Variants in PKLR observed in about 807,000 individuals in gnomAD.
The protein encoded by PKLR is pyruvate kinase L/R, also known as pyruvate kinase PKLR.
A neutral mutation model predicts 53.6 loss-of-function variants in PKLR; 38 were observed. The observed-to-expected ratio is 0.71, with a 90% CI of 0.55 to 0.93. The LOEUF (loss-of-function observed/expected upper bound fraction) is 0.93, where lower values mean the gene tolerates loss of function less well. Ranked by LOEUF, PKLR falls within the 40% of genes least tolerant of loss-of-function variation. The pLI is 0.00. For synonymous variants in PKLR, 328 were observed against 316.2 expected (o/e 1.04, Z -0.39); for missense variants, 702 against 787.3 (o/e 0.89, Z 1.30).
At position 155,294,614 on chromosome 1, in the gene PKLR, T is replaced by C. The variant is rs1298683548; in HGVS notation, c.833A>G (p.His278Arg). 2 of 1,614,068 alleles carry C rather than the reference T, an allele frequency of 1.2e-6. No individual in the cohort carries two copies. Among genetic ancestry groups the C allele is most frequent in the Non-Finnish European group, 1.7e-6 (2 of 1,180,036 alleles). The change falls in exon 6 of 11, where the codon CAT becomes CGT. Residue 278 changes from histidine (H) to arginine (R), a missense_variant. Transcript: ENST00000342741. ...GGAGGCAAAGACGATGTCCACCCCATGCTCCACCCCGAAGCGCAGGTCTCG... is the reference window on the plus strand; with the variant it reads ...GGAGGCAAAGACGATGTCCACCCCACGCTCCACCCCGAAGCGCAGGTCTCG... ...DVRDLRFGVE[H>R]GVDIVFASFV...
In PKLR at chr1:155,293,099, C is replaced by G; in HGVS notation, c.1436+78G>C. The G allele has an allele frequency of 6.7e-7, 1 of 1,501,764 alleles. No individual in the cohort carries two copies. Among genetic ancestry groups the G allele is most frequent in the South Asian group, 1.1e-5 (1 of 88,856 alleles). The allele number at this position is 1,501,764 out of a possible 1,614,324, so 93.0% of individuals were successfully genotyped here. A position where few individuals can be genotyped will look rare whatever the true frequency, so the allele number is the denominator to read the frequency against. On this transcript the variant is annotated intron_variant, in intron 9 of 10. Coordinates refer to ENST00000342741, the MANE Select transcript of PKLR (RefSeq NM_000298.6). The surrounding 1 kb of genome is among the most constrained non-coding windows in gnomAD (Gnocchi z 4.2). ...ACACTCTTCACCCCTGGTGACCAGACTAAACCCAAGCCTGGGGCCCGTCCC... is the reference window on the plus strand; with the variant it reads ...ACACTCTTCACCCCTGGTGACCAGAGTAAACCCAAGCCTGGGGCCCGTCCC...
Position 155,293,088 on chromosome 1 carries a change from T to C in PKLR, c.1436+89A>G. 2.2e-6 allele frequency: 3 copies of C among 1,361,934 alleles called. No individual in the cohort carries two copies. Among genetic ancestry groups the C allele is most frequent in the Non-Finnish European group, 1.1e-6 (1 of 950,452 alleles). The allele number at this position is 1,361,934 out of a possible 1,614,324, so 84.4% of individuals were successfully genotyped here. ...GTCTCAGGTGGACACTCTTCACCCC[T>C]GGTGACCAGACTAAACCCAAGCCTG... On this transcript the variant is annotated intron_variant, in intron 9 of 10. Coordinates refer to ENST00000342741, the MANE Select transcript of PKLR (RefSeq NM_000298.6). The surrounding 1 kb of genome is among the most constrained non-coding windows in gnomAD (Gnocchi z 4.2).
Position 155,290,381 on chromosome 1 carries a change from TGG to T in PKLR, c.*189_*190del. Reference sequence around the variant, plus strand: ...TTTCAGGACCTGTGTGAAATGGAGATGGGGAAGGGGCAACCTCGAAGGGGCTA... The same window carrying T: ...TTTCAGGACCTGTGTGAAATGGAGATGGAAGGGGCAACCTCGAAGGGGCTA... On this transcript the variant is annotated 3_prime_UTR_variant, in exon 11 of 11. Transcript: ENST00000342741. The T allele has an allele frequency of 1.7e-6, 1 of 600,824 alleles. No individual in the cohort carries two copies. Among genetic ancestry groups the T allele is most frequent in the Non-Finnish European group, 3.0e-6 (1 of 334,532 alleles). The allele number at this position is 600,824 out of a possible 1,614,324, so 37.2% of individuals were successfully genotyped here.
Position 155,295,406 on chromosome 1 carries a change from T to C in PKLR, c.507+31A>G. The C allele has an allele frequency of 1.2e-6, 2 of 1,612,140 alleles. No homozygotes were observed. The highest frequency in any genetic ancestry group is 1.7e-6 in the Non-Finnish European group (2 of 1,179,174). ...CCTACAGGCGCCGCCTTTCCGGCCCTGGCCCAGCGAGTCCCAGCCCCACTG... is the reference window on the plus strand; with the variant it reads ...CCTACAGGCGCCGCCTTTCCGGCCCCGGCCCAGCGAGTCCCAGCCCCACTG... On this transcript the variant is annotated intron_variant, in intron 4 of 10. Coordinates refer to ENST00000342741, the MANE Select transcript of PKLR (RefSeq NM_000298.6). The surrounding 1 kb of genome is among the most constrained non-coding windows in gnomAD (Gnocchi z 4.3).
chr1:155,304,640 G>C (rs752345295), upstream of PKLR, among the ~76,000 whole-genome samples: 36 of 152,118 alleles, frequency 2.4e-4, no homozygotes, highest in Non-Finnish European at 3.1e-4. Flanking sequence ...TTCTAGTGTC[G>C]AGGAGTCTGG....
chr1:155,301,343 T>G lies in PKLR; in HGVS notation c.53A>C (p.Lys18Thr). 1 of 1,614,040 alleles carries G rather than the reference T, an allele frequency of 6.2e-7. No homozygotes were observed. Among genetic ancestry groups the G allele is most frequent in the Non-Finnish European group, 8.5e-7 (1 of 1,179,924 alleles). ...GGACTTTGCTAAGTCTCTTTGGGAC[T>G]TAGAGACCCATGACCGAAGCTGCAG... is the stretch of plus-strand genomic sequence containing the variant. ...SSLQLRSWVS[K>T]SQRDLAKSIL... The change falls in exon 1 of 11, where the codon AAG (lysine) becomes ACG (threonine). Residue 18 changes from lysine (K) to threonine (T), a missense_variant. Lys to Thr is a moderately conservative substitution (Grantham distance 78). This residue lies in a region of PKLR where 519 missense variants were observed against 537.1 expected (regional missense o/e 0.97). Coordinates refer to ENST00000342741, the MANE Select transcript of PKLR (RefSeq NM_000298.6).
At position 155,289,819 on chromosome 1, in the gene PKLR, C is replaced by T. The variant is rs964890676; in HGVS notation, c.*753G>A. On this transcript the variant is annotated 3_prime_UTR_variant, in exon 11 of 11. Transcript: ENST00000342741. ...AAGTTTTATAATTGCTTCCAAACAG[C>T]TGGGTTTAAATATAAAATAGACACA... 6.6e-6 allele frequency: 1 copy of T among 152,268 alleles called. No homozygotes were observed. Among genetic ancestry groups the T allele is most frequent in the Non-Finnish European group, 1.5e-5 (1 of 68,072 alleles). 9.4% of individuals were successfully genotyped at this position (152,268 alleles called of 1,614,324 possible). A position where few individuals can be genotyped will look rare whatever the true frequency, so the allele number is the denominator to read the frequency against.
chr1:155,294,419 CAGG>C, intron 6 of PKLR, 34 bp from the exon 7 acceptor site: 1 of 1,614,196 alleles, frequency 6.2e-7, no homozygotes, highest in East Asian at 2.2e-5. Context: ...CAGAGGCAGG[CAGG>C]AGAAGAAAGG....
Position 155,295,393 on chromosome 1 carries a change from G to A in PKLR, c.507+44C>T. 2 of 1,612,336 alleles carry A rather than the reference G, an allele frequency of 1.2e-6. No homozygotes were observed. Among genetic ancestry groups the A allele is most frequent in the South Asian group, 1.1e-5 (1 of 91,006 alleles). On this transcript the variant is annotated intron_variant, in intron 4 of 10. Coordinates refer to ENST00000342741, the MANE Select transcript of PKLR (RefSeq NM_000298.6). The surrounding 1 kb of genome is among the most constrained non-coding windows in gnomAD (Gnocchi z 4.3). ...GCCTGGGCCCAACCCTACAGGCGCCGCCTTTCCGGCCCTGGCCCAGCGAGT... is the reference window on the plus strand; with the variant it reads ...GCCTGGGCCCAACCCTACAGGCGCCACCTTTCCGGCCCTGGCCCAGCGAGT...
intron 2 of PKLR, among the ~76,000 whole-genome samples, chr1:155,299,026 CTTTCTT>C (rs1268429898): frequency 9.7e-5 from 9 of 92,414 alleles, no homozygotes; most frequent in Admixed American, 7.4e-4. Flanking sequence ...TTCTTTCTTT[CTTTCTT>C]TCTCTTTCTT....
At position 155,294,665 on chromosome 1, in the gene PKLR, A is replaced by C. The variant is rs1186641890; in HGVS notation, c.782T>G (p.Leu261Trp). 1 of 1,614,008 alleles carries C rather than the reference A, an allele frequency of 6.2e-7. No homozygotes were observed. Among genetic ancestry groups the C allele is most frequent in the Non-Finnish European group, 8.5e-7 (1 of 1,180,032 alleles). ...GVNLPGAQVD[L>W]PGLSEQDVRD... ...GACGTCCTGCTCGGACAGCCCGGGC[A>C]AGTCCACCTGGGCCCCTGGCAAGTT... The change falls in exon 6 of 11, where the codon TTG (leucine) becomes TGG (tryptophan). Residue 261 changes from leucine (L) to tryptophan (W), a missense_variant. Physicochemically the swap from Leu to Trp is moderately conservative, Grantham distance 61 (BLOSUM62 -2). Transcript: ENST00000342741.
upstream of PKLR, among the ~76,000 whole-genome samples, chr1:155,302,393 C>A (rs1417597544): frequency 6.6e-6 from 1 of 151,624 alleles, no homozygotes; most frequent in Non-Finnish European, 1.5e-5. Context: ...TGCACCACCA[C>A]GCCTGGCTAA....
At chr1:155,299,034 C>CTTTCTT (rs760148639) in intron 2 of PKLR, among the ~76,000 whole-genome samples, 1 of 60,982 alleles carries the variant, frequency 1.6e-5, no homozygotes, top group East Asian at 6.2e-4. Context: ...TTCTTTCTTT[C>CTTTCTT]TCTTTCTTTC....
the PKLR span, among the ~76,000 whole-genome samples, chr1:155,308,204 GGC>G: frequency 6.6e-6 from 1 of 151,840 alleles, no homozygotes; most frequent in African/African-American, 2.4e-5. Flanking sequence ...TGGGATTACA[GGC>G]GCGCGCCACC....
intron 2 of PKLR, among the ~76,000 whole-genome samples, chr1:155,298,704 TGATCTTGG>T (rs902841276): frequency 6.6e-5 from 10 of 151,524 alleles, no homozygotes; most frequent in Middle Eastern, 3.5e-3. Flanking sequence ...TGCAATGGCG[TGATCTTGG>T]CTCACTGCAA....
In PKLR at chr1:155,295,710, G is replaced by T. The variant is rs1647550182; in HGVS notation, c.330C>A (p.Ala110=). 2 of 1,614,020 alleles carry T rather than the reference G, an allele frequency of 1.2e-6. No homozygotes were observed. Among genetic ancestry groups the T allele is most frequent in the South Asian group, 2.2e-5 (2 of 91,092 alleles). ...SVERLKEMIK[A]GMNIARLNFS... is the part of the protein sequence containing the mutation. Reference sequence around the variant, plus strand: ...AGTTGAGTCGCGCAATGTTCATCCCGGCCTTGATCATCTCCTTGAGGCGCT... The same window carrying T: ...AGTTGAGTCGCGCAATGTTCATCCCTGCCTTGATCATCTCCTTGAGGCGCT... Residue 110 remains alanine (A), a synonymous_variant, in exon 3 of 11, where the codon GCC becomes GCA. Coordinates refer to ENST00000342741, the MANE Select transcript of PKLR (RefSeq NM_000298.6). This position sits in a 1 kb window ranked among gnomAD's most constrained non-coding sequence, Gnocchi z 4.3.
intron 1 of PKLR, chr1:155,300,780 A>C: frequency 2.9e-6 from 4 of 1,389,236 alleles, no homozygotes; most frequent in Non-Finnish European, 2.0e-6. Context: ...TCCCCACCCC[A>C]TCCTCTGAGT....
Position 155,295,571 on chromosome 1 carries a change from G to C in PKLR, c.376-3C>G, listed in dbSNP as rs998374005. ...TTGGCGATGGACTCAGCATGGTACT[G>C]GGGGAGGGAGCGGAGCGAGGGTTTC... On this transcript the variant is annotated splice_region_variant and splice_polypyrimidine_tract_variant and intron_variant, in intron 3 of 10. Coordinates refer to ENST00000342741, the MANE Select transcript of PKLR (RefSeq NM_000298.6). The surrounding 1 kb of genome is among the most constrained non-coding windows in gnomAD (Gnocchi z 4.3). 7 of 1,613,940 alleles carry C rather than the reference G, an allele frequency of 4.3e-6. No individual in the cohort carries two copies. In the African/African-American group the frequency reaches 5.3e-5, roughly 12 times the overall value.
chr1:155,304,244 C>T (rs139040128), upstream of PKLR, among the ~76,000 whole-genome samples: 2,587 of 152,044 alleles, frequency 0.017, 78 homozygotes, highest in African/African-American at 0.059. Context: ...ACCAGCCTGG[C>T]TAACACGGTA....
Sources: allele counts gnomAD v4.1 joint callset (sites outside exome capture counted in the v4.1 genomes callset), GRCh38; gene constraint gnomAD v4.1.1; regional missense constraint gnomAD v4.1.1; non-coding constraint Gnocchi (gnomAD v3.1); transcripts MANE v1.5; gene names NCBI Gene and HGNC (gene_info 2026-07-23, HGNC 2026-07-21).